The following AGBL4 variants were observed in gnomAD, a reference collection of about 807,000 sequenced individuals.
AGBL4 encodes cytosolic carboxypeptidase 6.
AGBL4 carries 58 observed loss-of-function variants against 66.4 expected under a neutral mutation model. The ratio of observed to expected loss-of-function variants is 0.87; its 90% CI spans 0.71 to 1.09. The LOEUF (loss-of-function observed/expected upper bound fraction) is 1.09, where lower values mean the gene tolerates loss of function less well. Ranked by LOEUF, AGBL4 falls within the 50% of genes least tolerant of loss-of-function variation. The pLI, the probability that AGBL4 is intolerant of heterozygous loss-of-function variation, is 0.00. For missense variants in AGBL4, 579 were observed against 631.0 expected (o/e 0.92, Z 0.88); for synonymous variants, 234 against 222.9 (o/e 1.05, Z -0.44).
chr1:48,896,388 C>T (rs1651511757), intron 5 of AGBL4, among the ~76,000 whole-genome samples: 2 of 152,206 alleles, frequency 1.3e-5, no homozygotes, highest in African/African-American at 2.4e-5. Flanking sequence ...CTAATACCTA[C>T]CTGAGAAGGC....
intron 5 of AGBL4, among the ~76,000 whole-genome samples, chr1:48,944,262 T>A (rs116727442): frequency 0.09 from 13,710 of 152,108 alleles, 733 homozygotes; most frequent in East Asian, 0.16. Flanking sequence ...CAAGGAAGTC[T>A]TCACAGAGAA....
At chr1:49,281,460 G>T (rs745762956) in intron 3 of AGBL4, among the ~76,000 whole-genome samples, 3 of 152,190 alleles carry the variant, frequency 2.0e-5, no homozygotes, top group Non-Finnish European at 2.9e-5. Flanking sequence ...AGTGCTAAAG[G>T]AGGATGCAGT....
intron 5 of AGBL4, among the ~76,000 whole-genome samples, chr1:48,945,880 C>T (rs1482687986): frequency 3.3e-5 from 5 of 152,076 alleles, no homozygotes; most frequent in Admixed American, 3.3e-4. Flanking sequence ...CCTTAGTTTC[C>T]TCATCTGAAA....
At chr1:49,985,966 T>C (rs1659469314) in intron 1 of AGBL4, among the ~76,000 whole-genome samples, 1 of 152,148 alleles carries the variant, frequency 6.6e-6, no homozygotes, top group Non-Finnish European at 1.5e-5. Flanking sequence ...CAATTCCTCC[T>C]GCTTCAACGC....
chr1:49,371,817 CTGTGTGTGTGTGTGTGTGTGTGTGTG>C (rs55882947), intron 3 of AGBL4, among the ~76,000 whole-genome samples: 42 of 140,058 alleles, frequency 3.0e-4, no homozygotes, highest in Admixed American at 2.6e-3. Context: ...TTTTCAAACT[CTGTGTGTGTGTGTGTGTGTGTGTGTG>C]TGTGTGTGTG....
chr1:49,090,649 T>A (rs1644986180), intron 4 of AGBL4, among the ~76,000 whole-genome samples: 1 of 152,184 alleles, frequency 6.6e-6, no homozygotes. Flanking sequence ...ATTGTTAAAG[T>A]GACCATACTG....
intron 3 of AGBL4, among the ~76,000 whole-genome samples, chr1:49,442,347 C>A (rs1646053344): frequency 6.6e-6 from 1 of 152,124 alleles, no homozygotes; most frequent in South Asian, 2.1e-4. Flanking sequence ...CTATTCCAAG[C>A]AGAGGGAATG....
intron 4 of AGBL4, among the ~76,000 whole-genome samples, chr1:49,097,515 C>T (rs1201971455): frequency 1.3e-5 from 2 of 152,214 alleles, no homozygotes; most frequent in Non-Finnish European, 2.9e-5. Flanking sequence ...CACCTGGACT[C>T]TCTGGAGGTT....
chr1:48,689,203 C>CAAAAAAA lies in AGBL4; in HGVS notation c.635-25969_635-25963dup, dbSNP rs939955179. 1.7e-4 allele frequency among the ~76,000 whole-genome samples: 9 copies of CAAAAAAA among 53,322 alleles called. 1 individual carries two copies. The highest frequency in any genetic ancestry group is 4.2e-4 in the African/African-American group (7 of 16,864). 35.0% of individuals were successfully genotyped at this position (53,322 alleles called of 152,430 possible). Reference sequence around the variant, plus strand: ...TGGGTGACAGAGCGAGACCCGGTCTCAAAAAAAAAAAAAAAAAAAAGAAAA... The same window carrying CAAAAAAA: ...TGGGTGACAGAGCGAGACCCGGTCTCAAAAAAAAAAAAAAAAAAAAAAAAAAAGAAAA... On this transcript the variant is annotated intron_variant, in intron 6 of 13. Transcript: ENST00000371839.
At chr1:49,692,602 G>C (rs1294469196) in intron 3 of AGBL4, among the ~76,000 whole-genome samples, 1 of 151,958 alleles carries the variant, frequency 6.6e-6, no homozygotes, top group Non-Finnish European at 1.5e-5. Flanking sequence ...CCTGTGGTCA[G>C]AGCTGCTCAG....
chr1:49,974,441 T>TA (rs1430886251), intron 1 of AGBL4, among the ~76,000 whole-genome samples: 1 of 152,190 alleles, frequency 6.6e-6, no homozygotes, highest in Admixed American at 6.5e-5. Flanking sequence ...AAAGAGAACT[T>TA]AAAGGAATAG....
chr1:49,748,921 G>T (rs1571476993), intron 2 of AGBL4, among the ~76,000 whole-genome samples: 1 of 152,006 alleles, frequency 6.6e-6, no homozygotes, highest in Non-Finnish European at 1.5e-5. Context: ...TTTGTCAGAT[G>T]GATAGATTGC....
intron 3 of AGBL4, among the ~76,000 whole-genome samples, chr1:49,298,106 C>T (rs1397471855): frequency 6.6e-6 from 1 of 152,206 alleles, no homozygotes; most frequent in Non-Finnish European, 1.5e-5. Context: ...TCTGTAAATT[C>T]CTTTCAGGGT....
chr1:49,591,151 T>G (rs892385752), intron 3 of AGBL4, among the ~76,000 whole-genome samples: 1 of 151,524 alleles, frequency 6.6e-6, no homozygotes, highest in Non-Finnish European at 1.5e-5. Context: ...GGTAAACAAT[T>G]GAGATTAGGT....
intron 3 of AGBL4, among the ~76,000 whole-genome samples, chr1:49,394,771 C>T (rs909338273): frequency 3.3e-5 from 5 of 152,092 alleles, no homozygotes; most frequent in African/African-American, 4.8e-5. Flanking sequence ...GAGATAAGTC[C>T]GCCTCAGCAG....
chr1:49,679,087 C>T lies in AGBL4; in HGVS notation c.282+18226G>A, dbSNP rs187837592. On this transcript the variant is annotated intron_variant, in intron 3 of 13. Transcript: ENST00000371839. ...TTGATGGTACTCTTAAGTTTTAAGT[C>T]GTTGATGATTTTACATCTAGATGTG... Among the ~76,000 whole-genome samples the T allele has an allele frequency of 5.3e-5, 8 of 152,156 alleles. No individual in the cohort carries two copies. In the East Asian group the frequency reaches 1.2e-3, roughly 22 times the overall value.
chr1:49,931,476 C>A (rs1653350845), intron 1 of AGBL4, among the ~76,000 whole-genome samples: 2 of 152,034 alleles, frequency 1.3e-5, no homozygotes, highest in Non-Finnish European at 2.9e-5. Context: ...TACATGGTAG[C>A]AGAAGAGAGA....
intron 6 of AGBL4, among the ~76,000 whole-genome samples, chr1:48,763,702 G>C (rs1644392604): frequency 1.3e-5 from 2 of 152,188 alleles, no homozygotes; most frequent in African/African-American, 4.8e-5. Flanking sequence ...TGTTAGTGTG[G>C]AGAAAAGCAA....
At chr1:48,878,518 C>A (rs1016001281) in intron 5 of AGBL4, among the ~76,000 whole-genome samples, 1 of 152,096 alleles carries the variant, frequency 6.6e-6, no homozygotes, top group African/African-American at 2.4e-5. Context: ...TTTTTAATTC[C>A]AAGACCCCTT....
Sources: gnomAD v4.1 joint callset for allele counts (sites outside exome capture counted in the v4.1 genomes callset) on GRCh38, gnomAD v4.1.1 for gene constraint, MANE v1.5 for transcripts, NCBI Gene and HGNC (gene_info 2026-07-23, HGNC 2026-07-21) for gene names.